GABRA4: variants seen among roughly 807,000 people sequenced by gnomAD.
The protein encoded by GABRA4 is gamma-aminobutyric acid receptor subunit alpha-4.
A neutral mutation model predicts 49.7 loss-of-function variants in GABRA4; 12 were observed. The ratio of observed to expected loss-of-function variants is 0.24; its 90% CI spans 0.15 to 0.39. GABRA4 has a LOEUF of 0.39. GABRA4 is among the 10% of genes least tolerant of loss of function. GABRA4 has a pLI of 1.00. For synonymous variants in GABRA4, 288 were observed against 240.2 expected (o/e 1.20, Z -1.84); for missense variants, 506 against 686.0 (o/e 0.74, Z 2.93).
chr4:46,941,223 C>A (rs75936741), intron 8 of GABRA4, among the ~76,000 whole-genome samples: 1 of 151,768 alleles, frequency 6.6e-6, no homozygotes, highest in Admixed American at 6.6e-5. Context: ...AATCTTAAAA[C>A]CAAAACTATG....
Position 46,928,670 on chromosome 4 carries a change from C to A in GABRA4, c.1220G>T (p.Gly407Val). 1 of 1,613,468 alleles carries A rather than the reference C, an allele frequency of 6.2e-7. No individual in the cohort carries two copies. The highest frequency in any genetic ancestry group is 8.5e-7 in the Non-Finnish European group (1 of 1,179,588). ...ESDVGNRTEV[G>V]NHSSKSSTVV... ...TGTGGAAGATTTGCTTGAATGGTTT[C>A]CCACCTCAGTTCTGTTGCCAACATC... is the stretch of plus-strand genomic sequence containing the variant. Residue 407 changes from glycine (G) to valine (V), a missense_variant, in exon 9 of 9, where the codon GGA becomes GTA. Transcript: ENST00000264318.
intron 8 of GABRA4, among the ~76,000 whole-genome samples, chr4:46,952,683 A>G (rs1412423219): frequency 6.6e-6 from 1 of 152,110 alleles, no homozygotes; most frequent in African/African-American, 2.4e-5. Flanking sequence ...GGAATGAATA[A>G]TCTTACTCAG....
chr4:46,974,479 G>T, intron 5 of GABRA4, 104 bp from the exon 6 acceptor site: 1 of 1,080,254 alleles, frequency 9.3e-7, no homozygotes, highest in Non-Finnish European at 1.3e-6. Flanking sequence ...TGGAATAAAT[G>T]AAAACAATGT....
intron 8 of GABRA4, among the ~76,000 whole-genome samples, chr4:46,947,036 T>A (rs1269329485): frequency 6.6e-6 from 1 of 151,962 alleles, no homozygotes; most frequent in African/African-American, 2.4e-5. Context: ...TTCCTTTGTT[T>A]CCATAGGAAA....
At chr4:46,991,367 C>A (rs1209930611) in intron 2 of GABRA4, among the ~76,000 whole-genome samples, 2 of 152,164 alleles carry the variant, frequency 1.3e-5, no homozygotes, top group African/African-American at 4.8e-5. Flanking sequence ...GTGTCCCCAT[C>A]TGTTAAATGA....
rs1018846978 is a variant in GABRA4 at position 46,920,204 on chromosome 4, C to G, written c.*8021G>C. 7.9e-5 allele frequency: 12 copies of G among 151,804 alleles called. No homozygotes were observed. Among genetic ancestry groups the G allele is most frequent in the Admixed American group, 7.9e-4 (12 of 15,230 alleles). The allele number at this position is 151,804 out of a possible 1,614,324, so 9.4% of individuals were successfully genotyped here. On this transcript the variant is annotated 3_prime_UTR_variant, in exon 9 of 9. Coordinates refer to ENST00000264318, the MANE Select transcript of GABRA4 (RefSeq NM_000809.4). Reference sequence around the variant, plus strand: ...CTTCTTTTACTTCCCTCTAAGGAAGCTGTTTTCTATGGACTTCAAGTAATA... The same window carrying G: ...CTTCTTTTACTTCCCTCTAAGGAAGGTGTTTTCTATGGACTTCAAGTAATA...
At chr4:46,929,870 G>A (rs548297767) in intron 8 of GABRA4, among the ~76,000 whole-genome samples, 77 of 152,150 alleles carry the variant, frequency 5.1e-4, no homozygotes, top group Middle Eastern at 3.4e-3. Flanking sequence ...AGAAAGAAGA[G>A]CAGCTAATAA....
chr4:46,962,948 G>T (rs568009181), intron 8 of GABRA4, among the ~76,000 whole-genome samples: 1 of 151,650 alleles, frequency 6.6e-6, no homozygotes, highest in Non-Finnish European at 1.5e-5. Flanking sequence ...CCATATACAA[G>T]AATCAAATCA....
In GABRA4 at chr4:46,964,977, G is replaced by A; in HGVS notation, c.1127C>T (p.Pro376Leu). The change falls in exon 8 of 9, where the codon CCT becomes CTT. Residue 376 changes from proline to leucine, a missense_variant. By Grantham distance (98) the Pro-to-Leu change is moderately conservative. Coordinates refer to ENST00000264318, the MANE Select transcript of GABRA4 (RefSeq NM_000809.4). ...PVQREKHPEA[P>L]LQNTNANLNM... ...GTGGATTAAGTCAAATACCTGCAGA[G>A]GGGCTTCAGGATGCTTCTCTCTCTG... 1.1e-5 allele frequency: 18 copies of A among 1,596,956 alleles called. No individual in the cohort carries two copies. Among genetic ancestry groups the A allele is most frequent in the Non-Finnish European group, 1.5e-5 (18 of 1,170,588 alleles).
intron 2 of GABRA4, 44 bp downstream of exon 2, chr4:46,992,784 G>A (rs1195242407): frequency 7.4e-7 from 1 of 1,348,348 alleles, no homozygotes; most frequent in South Asian, 1.2e-5. Flanking sequence ...AAGACCAAGA[G>A]AGGGACAGAC....
rs1349932867 is a variant in GABRA4, at chr4:46,927,307, A to G, written c.*918T>C. The G allele has an allele frequency of 6.6e-6, 1 of 152,506 alleles. No homozygotes were observed. The highest frequency in any genetic ancestry group is 1.5e-5 in the Non-Finnish European group (1 of 67,960). 9.4% of individuals were successfully genotyped at this position (152,506 alleles called of 1,614,324 possible). On this transcript the variant is annotated 3_prime_UTR_variant, in exon 9 of 9. Transcript: ENST00000264318. Reference sequence around the variant, plus strand: ...TGAACAAATATATTTGTTATCCACTATCAGTAGAGGCTGAAAAATATTTTG... The same window carrying G: ...TGAACAAATATATTTGTTATCCACTGTCAGTAGAGGCTGAAAAATATTTTG...
Position 46,933,651 on chromosome 4 carries a change from C to T in GABRA4, c.1135-4896G>A, listed in dbSNP as rs545094931. Reference sequence around the variant, plus strand: ...GGTATCTGCTGATCTATCTGGCACACGACTCACTGGGAAGAATATTCACCC... The same window carrying T: ...GGTATCTGCTGATCTATCTGGCACATGACTCACTGGGAAGAATATTCACCC... On this transcript the variant is annotated intron_variant, in intron 8 of 8. Transcript: ENST00000264318. Among the ~76,000 whole-genome samples the T allele has an allele frequency of 2.2e-4, 33 of 152,238 alleles. No individual in the cohort carries two copies. The East Asian group carries it at 4.6e-3, about 21-fold the overall frequency.
In GABRA4 at chr4:46,993,281, G is replaced by A. The variant is rs1274040611; in HGVS notation, c.86+58C>T. On this transcript the variant is annotated intron_variant, in intron 1 of 8. Coordinates refer to ENST00000264318, the MANE Select transcript of GABRA4 (RefSeq NM_000809.4). Reference sequence around the variant, plus strand: ...AGGAGCGAGTGGCCAAAGGGGTCCCGGAGCTAGCCATTTCTCCACTTTCCG... The same window carrying A: ...AGGAGCGAGTGGCCAAAGGGGTCCCAGAGCTAGCCATTTCTCCACTTTCCG... 5.5e-6 allele frequency: 8 copies of A among 1,459,774 alleles called. 1 individual carries two copies. The Admixed American group carries it at 1.0e-4, about 18-fold the overall frequency. 90.4% of individuals were successfully genotyped at this position (1,459,774 alleles called of 1,614,324 possible). A position where few individuals can be genotyped will look rare whatever the true frequency, so the allele number is the denominator to read the frequency against.
At chr4:46,965,558 A>G (rs937311960) in intron 7 of GABRA4, among the ~76,000 whole-genome samples, 1 of 151,786 alleles carries the variant, frequency 6.6e-6, no homozygotes, top group Non-Finnish European at 1.5e-5. Context: ...TAACGCACGT[A>G]GCACACAGTG....
chr4:46,990,133 C>T (rs997118818), intron 2 of GABRA4, among the ~76,000 whole-genome samples: 1 of 149,774 alleles, frequency 6.7e-6, no homozygotes, highest in Non-Finnish European at 1.5e-5. Context: ...AACAAACAAA[C>T]AAACAAAACC....
At chr4:46,965,300 A>G in intron 7 of GABRA4, 71 bp from the exon 8 acceptor site, 1 of 1,276,878 alleles carries the variant, frequency 7.8e-7, no homozygotes, top group Non-Finnish European at 1.0e-6. Flanking sequence ...GCCACCACCA[A>G]CAAAAACCTA....
intron 8 of GABRA4, among the ~76,000 whole-genome samples, chr4:46,938,054 CT>C (rs200526617): frequency 0.022 from 3,388 of 152,132 alleles, 57 homozygotes; most frequent in Non-Finnish European, 0.034. Context: ...TATAACTTTT[CT>C]TTTTCACACT....
In GABRA4 at chr4:46,993,570, C is replaced by A; in HGVS notation, c.-146G>T. ...GCCCGCGCTCAGCCAGCCCGAGCCG[C>A]GGTGGGCGTGTGTGTGCACGGGGCC... On this transcript the variant is annotated 5_prime_UTR_variant, in exon 1 of 9. Transcript: ENST00000264318. The A allele has an allele frequency of 1.3e-6, 1 of 788,116 alleles. No homozygotes were observed. Among genetic ancestry groups the A allele is most frequent in the Non-Finnish European group, 2.1e-6 (1 of 479,546 alleles). 48.8% of individuals were successfully genotyped at this position (788,116 alleles called of 1,614,324 possible).
intron 2 of GABRA4, among the ~76,000 whole-genome samples, chr4:46,981,615 G>A (rs1723359229): frequency 1.3e-5 from 2 of 152,080 alleles, no homozygotes; most frequent in South Asian, 2.1e-4. Flanking sequence ...AGGCTCTGAT[G>A]CTACATTGGT....
Sources: gnomAD v4.1 joint callset for allele counts (sites outside exome capture counted in the v4.1 genomes callset) on GRCh38, gnomAD v4.1.1 for gene constraint, MANE v1.5 for transcripts, NCBI Gene and HGNC (gene_info 2026-07-23, HGNC 2026-07-21) for gene names.